TRIM66: variants seen among roughly 807,000 people sequenced by gnomAD.
The protein encoded by TRIM66 is tripartite motif containing 66, also known as tripartite motif-containing protein 66.
In TRIM66, 99 loss-of-function variants were observed where a neutral mutation model predicts 148.2. The ratio of observed to expected loss-of-function variants is 0.67; its 90% confidence interval spans 0.57 to 0.79. The LOEUF (loss-of-function observed/expected upper bound fraction) is 0.79. Among genes scored for constraint, TRIM66 ranks in the 30% least tolerant of loss-of-function variants. The pLI is 0.00. For synonymous variants in TRIM66, 616 were observed against 635.9 expected (o/e 0.97, Z 0.47); for missense variants, 1,666 against 1,697.9 (o/e 0.98, Z 0.33).
intron 6 of TRIM66, among the ~76,000 whole-genome samples, chr11:8,656,275 G>C (rs1255813711): frequency 6.6e-6 from 1 of 152,152 alleles, no homozygotes; most frequent in Non-Finnish European, 1.5e-5. Flanking sequence ...TATTAGTTTA[G>C]TTATAAATAC....
Position 8,651,915 on chromosome 11 carries a change from A to G in TRIM66, c.341-12T>C. ...ACAGGAGATGAGCTCTGTGCAAGAA[A>G]GAAAGATAGCAGAGTCAGGGCAACA... On this transcript the variant is annotated splice_polypyrimidine_tract_variant and intron_variant, in intron 6 of 24. Transcript: ENST00000646038. The G allele has an allele frequency of 6.5e-7, 1 of 1,546,228 alleles. No individual in the cohort carries two copies. The highest frequency in any genetic ancestry group is 8.7e-7 in the Non-Finnish European group (1 of 1,142,924).
At chr11:8,635,708 G>C (rs568867135) in intron 15 of TRIM66, among the ~76,000 whole-genome samples, 1 of 152,316 alleles carries the variant, frequency 6.6e-6, no homozygotes, top group South Asian at 2.1e-4. Context: ...AGGGGCAGAA[G>C]CAGCTCAAAA....
chr11:8,666,820 T>C (rs1317814684), intron 6 of TRIM66, among the ~76,000 whole-genome samples: 7 of 152,174 alleles, frequency 4.6e-5, no homozygotes, highest in Admixed American at 6.5e-5. Flanking sequence ...TTGTCATACA[T>C]ATAGACAGAG....
At chr11:8,682,756 G>A (rs1339467247), upstream of TRIM66, 2 of 1,612,378 alleles carry the variant, frequency 1.2e-6, no homozygotes, top group East Asian at 4.5e-5. Context: ...CCCCGCCCCC[G>A]TGGCCGATAC....
intron 12 of TRIM66, among the ~76,000 whole-genome samples, chr11:8,644,634 CCTCT>C (rs1289531094): frequency 2.0e-5 from 3 of 152,158 alleles, no homozygotes; most frequent in African/African-American, 7.2e-5. Flanking sequence ...ACACACCCCT[CCTCT>C]CTATCTTCAA....
intron 6 of TRIM66, among the ~76,000 whole-genome samples, chr11:8,654,244 C>G (rs771741719): frequency 7.9e-5 from 12 of 152,236 alleles, no homozygotes; most frequent in Non-Finnish European, 1.8e-4. Context: ...CCTTATCTCT[C>G]TCTAATCTCA....
chr11:8,636,867 C>T (rs2035924564), intron 15 of TRIM66, among the ~76,000 whole-genome samples: 1 of 152,146 alleles, frequency 6.6e-6, no homozygotes, highest in Non-Finnish European at 1.5e-5. Flanking sequence ...ATTTAGAAGG[C>T]CTTACAGCCC....
At chr11:8,670,709 T>C (rs1448811072) in intron 6 of TRIM66, among the ~76,000 whole-genome samples, 1 of 152,218 alleles carries the variant, frequency 6.6e-6, no homozygotes, top group Non-Finnish European at 1.5e-5. Context: ...GACAGTAAGA[T>C]TTGTTAATTA....
In TRIM66 at chr11:8,625,123, T is replaced by G. The variant is rs7947230; in HGVS notation, c.2416A>C (p.Asn806His). The change falls in exon 16 of 25, where the codon AAC becomes CAC. Residue 806 changes from asparagine to histidine, a missense_variant. Asn to His is a moderately conservative substitution (Grantham distance 68). Transcript: ENST00000646038. ...GCCTGGGGGGCACCAGCTGTCAGGT[T>G]GCTCACACTCTGGATCTGTGGCTCT... ...PLEPQIQSVS[N>H]LTAGAPQAVP... The G allele has an allele frequency of 0.2, 308,627 of 1,551,416 alleles. 32,386 individuals are homozygous for G. The highest frequency in any genetic ancestry group is 0.35 in the East Asian group (14,113 of 40,886).
chr11:8,628,292 T>C (rs532852134), intron 15 of TRIM66, among the ~76,000 whole-genome samples: 1 of 152,198 alleles, frequency 6.6e-6, no homozygotes, highest in African/African-American at 2.4e-5. Context: ...ACTAAGTAGA[T>C]TTGATGTAGA....
intron 13 of TRIM66, among the ~76,000 whole-genome samples, chr11:8,642,633 A>T (rs2036496585): frequency 6.6e-6 from 1 of 152,090 alleles, no homozygotes; most frequent in South Asian, 2.1e-4. Context: ...CCACACGTGT[A>T]TACCTTTGTG....
At chr11:8,647,644 A>G (rs1317356847) in intron 10 of TRIM66, among the ~76,000 whole-genome samples, 1 of 152,056 alleles carries the variant, frequency 6.6e-6, no homozygotes, top group Admixed American at 6.5e-5. Flanking sequence ...CCCTCATAAT[A>G]AGCAGCACTC....
At chr11:8,645,942 C>G (rs2036808076) in intron 11 of TRIM66, 55 bp from the exon 12 acceptor site, 2 of 1,527,746 alleles carry the variant, frequency 1.3e-6, no homozygotes. Flanking sequence ...TGTAATCCAC[C>G]TGCTTGGGAA....
chr11:8,624,690 G>C (rs12803166), intron 16 of TRIM66, 23 bp downstream of exon 16: 34 of 1,480,680 alleles, frequency 2.3e-5, no homozygotes, highest in Non-Finnish European at 2.7e-5. Context: ...AGGAAGTTTG[G>C]ATAGCATTTC....
At position 8,648,021 on chromosome 11, in the gene TRIM66, A is replaced by T; in HGVS notation, c.791T>A (p.Val264Glu). ...CTGTAGACTGGATTTCTTATGTGCC[A>T]CCTGTGTAGTCACACCTTCCAGAAG... ...RMLLEGVTTQ[V>E]AHKKSSLQTS... Residue 264 changes from valine to glutamate, a missense_variant, in exon 10 of 25, where the codon GTG becomes GAG. This residue lies in a region of TRIM66 where 1,431 missense variants were observed against 1,412.4 expected (regional missense o/e 1.01). Transcript: ENST00000646038. 6.4e-7 allele frequency: 1 copy of T among 1,551,738 alleles called. No homozygotes were observed. The highest frequency in any genetic ancestry group is 8.7e-7 in the Non-Finnish European group (1 of 1,147,008).
intron 6 of TRIM66, among the ~76,000 whole-genome samples, chr11:8,668,495 C>T (rs1415153098): frequency 4.6e-5 from 7 of 152,130 alleles, no homozygotes; most frequent in African/African-American, 1.7e-4. Flanking sequence ...GGTTGTCAGG[C>T]AGAAACCTCA....
rs1378160022 is a variant in TRIM66 at position 8,647,215 on chromosome 11, C to G, written c.843-654G>C. The stretch of plus-strand genomic sequence containing the variant: ...ACAGTTGCACAATTCTGTGAATATA[C>G]TAAAGGCCACTGAATTATACATTTA... On this transcript the variant is annotated intron_variant, in intron 10 of 24. Transcript: ENST00000646038. Among the ~76,000 whole-genome samples the G allele has an allele frequency of 2.0e-5, 3 of 151,950 alleles. No individual in the cohort carries two copies. In the East Asian group the frequency reaches 5.8e-4, roughly 29 times the overall value.
intron 7 of TRIM66, among the ~76,000 whole-genome samples, chr11:8,650,578 A>G (rs2037274622): frequency 6.6e-6 from 1 of 152,170 alleles, no homozygotes; most frequent in Non-Finnish European, 1.5e-5. Context: ...AGCTAAGGAC[A>G]CCCAGATGCG....
intron 1 of TRIM66, among the ~76,000 whole-genome samples, chr11:8,681,152 G>C (rs1358120837): frequency 6.1e-5 from 6 of 99,080 alleles, no homozygotes; most frequent in Admixed American, 5.5e-4. Context: ...TTTTTTTTTT[G>C]AGACGGAGTC....
Sources: gnomAD v4.1 joint callset for allele counts (sites outside exome capture counted in the v4.1 genomes callset) on GRCh38, gnomAD v4.1.1 for gene constraint, gnomAD v4.1.1 regional missense constraint, MANE v1.5 for transcripts, NCBI Gene and HGNC (gene_info 2026-07-23, HGNC 2026-07-21) for gene names.